The following COL8A1 variants were observed in gnomAD, a reference collection of about 807,000 sequenced individuals.
COL8A1 encodes the protein collagen alpha-1(VIII) chain.
COL8A1 carries 21 observed loss-of-function variants against 42.7 expected under a neutral mutation model. The ratio of observed to expected loss-of-function variants is 0.49; its 90% CI spans 0.35 to 0.71. The LOEUF is 0.71. Among genes scored for constraint, COL8A1 ranks in the 30% least tolerant of loss-of-function variants. The probability of loss-of-function intolerance (pLI) is 0.01; values close to 1 mark genes in which losing one functional copy is unlikely to be tolerated. For synonymous variants in COL8A1, 367 were observed against 369.1 expected (o/e 0.99, Z 0.06); for missense variants, 788 against 962.4 (o/e 0.82, Z 2.40).
At chr3:99,756,081 T>C (rs2107419208) in intron 2 of COL8A1, among the ~76,000 whole-genome samples, 1 of 151,938 alleles carries the variant, frequency 6.6e-6, no homozygotes, top group South Asian at 2.1e-4. Context: ...AAAGAGATCA[T>C]AAAACTTGCA....
At chr3:99,682,240 C>A (rs979972894) in intron 1 of COL8A1, among the ~76,000 whole-genome samples, 1 of 151,984 alleles carries the variant, frequency 6.6e-6, no homozygotes, top group Non-Finnish European at 1.5e-5. Flanking sequence ...CATGGTGAAA[C>A]CTTGTCTCTA....
intron 2 of COL8A1, among the ~76,000 whole-genome samples, chr3:99,759,025 C>T (rs1240715338): frequency 1.3e-5 from 2 of 151,932 alleles, no homozygotes; most frequent in Non-Finnish European, 2.9e-5. Context: ...TTTCAGCTGC[C>T]ACCTCCTCAG....
intron 1 of COL8A1, among the ~76,000 whole-genome samples, chr3:99,738,057 G>A (rs983619259): frequency 6.6e-6 from 1 of 152,076 alleles, no homozygotes; most frequent in Non-Finnish European, 1.5e-5. Context: ...TAGTTCTCGA[G>A]CCTTGGTTTT....
At chr3:99,773,539 C>G (rs793485) in intron 2 of COL8A1, among the ~76,000 whole-genome samples, 77,563 of 151,546 alleles carry the variant, frequency 0.51, 20,087 homozygotes, top group East Asian at 0.67. Context: ...TATTTTAAAA[C>G]TAACTTTGTA....
rs1940633272 is a variant in COL8A1, at chr3:99,734,451, G to C, written c.-128-10446G>C. 2.0e-5 allele frequency among the ~76,000 whole-genome samples: 3 copies of C among 150,654 alleles called. No homozygotes were observed. The South Asian group carries it at 6.3e-4, about 32-fold the overall frequency. On this transcript the variant is annotated intron_variant, in intron 1 of 3. Coordinates refer to ENST00000652472, the MANE Select transcript of COL8A1 (RefSeq NM_020351.4). ...TTTTTCTCAGGTTTGTCAAAGATCA[G>C]ATAGTTGTAGATATGTGGTATTATT...
chr3:99,752,055 A>T (rs1941161068), intron 2 of COL8A1, among the ~76,000 whole-genome samples: 1 of 152,178 alleles, frequency 6.6e-6, no homozygotes, highest in South Asian at 2.1e-4. Context: ...TTATAATAAA[A>T]TTATATATAT....
rs184270284 is a variant in COL8A1, at chr3:99,673,218, C to A, written c.-129+34554C>A. Among the ~76,000 whole-genome samples the A allele has an allele frequency of 5.5e-3, 842 of 152,004 alleles. 3 individuals are homozygous for A. The highest frequency in any genetic ancestry group is 0.02 in the African/African-American group (814 of 41,500). ...AGAAATGCTTTGTAAGTAAAACTGA[C>A]ACAAGGTCATAATTTTATCAAAATC... On this transcript the variant is annotated intron_variant, in intron 1 of 3. Transcript: ENST00000652472.
intron 2 of COL8A1, among the ~76,000 whole-genome samples, chr3:99,772,791 G>A (rs1257787528): frequency 1.3e-5 from 2 of 152,142 alleles, no homozygotes; most frequent in African/African-American, 4.8e-5. Flanking sequence ...GAACTCATAG[G>A]GAGTGTGTTT....
At chr3:99,791,130 T>A in intron 3 of COL8A1, 120 bp downstream of exon 3, 2 of 851,486 alleles carry the variant, frequency 2.3e-6, no homozygotes, top group Non-Finnish European at 3.5e-6. Flanking sequence ...CTGGCATTTT[T>A]AAAATGCCTA....
intron 1 of COL8A1, chr3:99,679,096 C>T (rs907428190): frequency 6.6e-6 from 1 of 152,198 alleles, no homozygotes; most frequent in Non-Finnish European, 1.5e-5. Flanking sequence ...TTCACTAAAG[C>T]TTTCAGAGCT....
At chr3:99,733,863 T>C (rs1468758591) in intron 1 of COL8A1, among the ~76,000 whole-genome samples, 4 of 152,234 alleles carry the variant, frequency 2.6e-5, no homozygotes, top group South Asian at 4.2e-4. Flanking sequence ...AGATGGTATC[T>C]CAATGTGGTT....
At chr3:99,770,710 TCAATCA>T (rs1941562641) in intron 2 of COL8A1, among the ~76,000 whole-genome samples, 1 of 152,186 alleles carries the variant, frequency 6.6e-6, no homozygotes, top group African/African-American at 2.4e-5. Context: ...TGTCATCCAT[TCAATCA>T]TTTTTTTCCA....
chr3:99,654,860 CAAAG>C (rs1459731095), intron 1 of COL8A1, among the ~76,000 whole-genome samples: 1 of 151,676 alleles, frequency 6.6e-6, no homozygotes, highest in Non-Finnish European at 1.5e-5. Flanking sequence ...TTCATAAAAA[CAAAG>C]GAAGAAGGAC....
intron 1 of COL8A1, among the ~76,000 whole-genome samples, chr3:99,739,069 C>A (rs559873552): frequency 5.9e-5 from 9 of 152,306 alleles, no homozygotes; most frequent in African/African-American, 2.2e-4. Context: ...GGCAATGCCT[C>A]GCCCTGCTTT....
chr3:99,783,949 A>G (rs758712066), intron 2 of COL8A1, among the ~76,000 whole-genome samples: 11 of 152,184 alleles, frequency 7.2e-5, no homozygotes, highest in Admixed American at 1.3e-4. Context: ...ATCTCAGCAT[A>G]TTTACCTTGC....
intron 1 of COL8A1, among the ~76,000 whole-genome samples, chr3:99,735,841 T>A (rs961471911): frequency 4.7e-4 from 72 of 152,126 alleles, no homozygotes; most frequent in African/African-American, 1.7e-3. Flanking sequence ...CTGTTATTGG[T>A]CTATTCAGAG....
At chr3:99,792,126 G>A (rs755449894) in intron 3 of COL8A1, among the ~76,000 whole-genome samples, 3 of 152,184 alleles carry the variant, frequency 2.0e-5, no homozygotes, top group Non-Finnish European at 4.4e-5. Flanking sequence ...TAGCATGCCT[G>A]AATAGTACTA....
chr3:99,721,586 T>G (rs1042225676), intron 1 of COL8A1, among the ~76,000 whole-genome samples: 16 of 152,002 alleles, frequency 1.1e-4, no homozygotes, highest in African/African-American at 3.6e-4. Context: ...ATTTGTTGTT[T>G]GAGGCAGAAA....
chr3:99,724,409 A>G lies in COL8A1; in HGVS notation c.-128-20488A>G, dbSNP rs567647098. Reference sequence around the variant, plus strand: ...CCGTCCTTCTCTTGTGTATAAATCCAGTCTTGCTGGAGTTCTCAGCTCAGA... The same window carrying G: ...CCGTCCTTCTCTTGTGTATAAATCCGGTCTTGCTGGAGTTCTCAGCTCAGA... On this transcript the variant is annotated intron_variant, in intron 1 of 3. Coordinates refer to ENST00000652472, the MANE Select transcript of COL8A1 (RefSeq NM_020351.4). Among the ~76,000 whole-genome samples the G allele has an allele frequency of 5.1e-4, 78 of 152,204 alleles. No homozygotes were observed. The South Asian group carries it at 9.3e-3, about 18-fold the overall frequency.
Sources: gnomAD v4.1 joint callset for allele counts (sites outside exome capture counted in the v4.1 genomes callset) on GRCh38, gnomAD v4.1.1 for gene constraint, MANE v1.5 for transcripts, NCBI Gene and HGNC (gene_info 2026-07-23, HGNC 2026-07-21) for gene names.